CSMD1: variants seen among roughly 807,000 people sequenced by gnomAD.
CSMD1 encodes CUB and Sushi multiple domains 1, also known as CUB and sushi domain-containing protein 1.
In CSMD1, 213 loss-of-function variants were observed where a neutral mutation model predicts 417.5. The ratio of observed to expected loss-of-function variants is 0.51; its 90% confidence interval spans 0.46 to 0.57. CSMD1 has a LOEUF of 0.57. CSMD1 is among the 20% of genes least tolerant of loss of function. The pLI, the probability that CSMD1 is intolerant of heterozygous loss-of-function variation, is 0.00. For synonymous variants in CSMD1, 2,862 were observed against 1,736.8 expected, an observed-to-expected ratio of 1.65 and a Z score of -16.11; for missense variants, 6,923 against 4,529.7, an observed-to-expected ratio of 1.53 and a Z score of -15.17.
In CSMD1 at chr8:4,245,244, G is replaced by C. The variant is rs538503979; in HGVS notation, c.415+174709C>G. On this transcript the variant is annotated intron_variant, in intron 3 of 69. Transcript: ENST00000635120. ...TGAACTCTAAATCGGATGAAATCAA[G>C]CACCTGCATTACGCAATGAATTATA... is the stretch of plus-strand genomic sequence containing the variant. Among the ~76,000 whole-genome samples the C allele has an allele frequency of 3.3e-5, 5 of 152,288 alleles. No homozygotes were observed. In the South Asian group the frequency reaches 6.2e-4, roughly 19 times the overall value.
At position 3,409,598 on chromosome 8, in the gene CSMD1, T is replaced by C; in HGVS notation, c.1569A>G (p.Glu523=). The change falls in exon 13 of 70, where the codon GAA becomes GAG. Residue 523 remains glutamate, a synonymous_variant. Transcript: ENST00000635120. The part of the protein sequence containing the change: ...PGFKAVYQEI[E]KGGCGDPGIP... ...TTCCAGGATCCCCACACCCTCCCTTTTCAATTTCTGAAAATGGAAAAACAA... is the reference window on the plus strand; with the variant it reads ...TTCCAGGATCCCCACACCCTCCCTTCTCAATTTCTGAAAATGGAAAAACAA... 1 of 1,584,086 alleles carries C rather than the reference T, an allele frequency of 6.3e-7. No individual in the cohort carries two copies. The highest frequency in any genetic ancestry group is 8.6e-7 in the Non-Finnish European group (1 of 1,162,296).
At chr8:4,189,466 A>G (rs1798886247) in intron 3 of CSMD1, among the ~76,000 whole-genome samples, 1 of 152,216 alleles carries the variant, frequency 6.6e-6, no homozygotes, top group African/African-American at 2.4e-5. Context: ...GCAGAAAAGA[A>G]AAACAAAATT....
At chr8:4,661,291 C>T (rs1019789504) in intron 1 of CSMD1, among the ~76,000 whole-genome samples, 12 of 152,230 alleles carry the variant, frequency 7.9e-5, no homozygotes, top group Admixed American at 2.6e-4. Context: ...AATAAAACAA[C>T]GACAATAACA....
At chr8:3,921,897 C>A (rs1284876728) in intron 5 of CSMD1, among the ~76,000 whole-genome samples, 1 of 152,068 alleles carries the variant, frequency 6.6e-6, no homozygotes, top group Non-Finnish European at 1.5e-5. Flanking sequence ...TCTGTTAGGT[C>A]CATCTGGTCC....
At chr8:4,108,995 G>T (rs912688953) in intron 3 of CSMD1, among the ~76,000 whole-genome samples, 1 of 152,178 alleles carries the variant, frequency 6.6e-6, no homozygotes, top group Non-Finnish European at 1.5e-5. Context: ...TATCTGGAAA[G>T]GATTGGTTTC....
At chr8:3,942,858 T>C (rs1276569398) in intron 5 of CSMD1, among the ~76,000 whole-genome samples, 1 of 152,160 alleles carries the variant, frequency 6.6e-6, no homozygotes, top group African/African-American at 2.4e-5. Flanking sequence ...GTCCCACAAA[T>C]TGATGTGATA....
At chr8:3,895,769 T>C (rs1195848834) in intron 5 of CSMD1, among the ~76,000 whole-genome samples, 1 of 152,218 alleles carries the variant, frequency 6.6e-6, no homozygotes, top group African/African-American at 2.4e-5. Flanking sequence ...ATTTAAGAAA[T>C]ATTTCCTACG....
chr8:4,844,898 A>G (rs1454879791), intron 1 of CSMD1, among the ~76,000 whole-genome samples: 1 of 152,156 alleles, frequency 6.6e-6, no homozygotes, highest in African/African-American at 2.4e-5. Context: ...CACAGTATAC[A>G]AGAGTATGGT....
chr8:4,824,441 T>A lies in CSMD1; in HGVS notation c.85+169891A>T, dbSNP rs140390422. On this transcript the variant is annotated intron_variant, in intron 1 of 69. Coordinates refer to ENST00000635120, the MANE Select transcript of CSMD1 (RefSeq NM_033225.6). ...TAACATGTGGTTCCGGGTAGAAAAA[T>A]TGTATAATTAAAGAAGACTATTTTT... Among the ~76,000 whole-genome samples, 5 of 152,206 alleles carry A rather than the reference T, an allele frequency of 3.3e-5. No homozygotes were observed. The South Asian group carries it at 1.0e-3, about 32-fold the overall frequency.
chr8:4,824,043 C>T (rs1799670609), intron 1 of CSMD1, among the ~76,000 whole-genome samples: 1 of 151,246 alleles, frequency 6.6e-6, no homozygotes, highest in South Asian at 2.1e-4. Context: ...TCCATGCACC[C>T]ACACATGCAC....
chr8:4,618,053 G>A (rs192572233), intron 2 of CSMD1, among the ~76,000 whole-genome samples: 3 of 152,264 alleles, frequency 2.0e-5, no homozygotes, highest in African/African-American at 7.2e-5. Flanking sequence ...GCACTATGGT[G>A]ACAGGTCACT....
intron 28 of CSMD1, 86 bp downstream of exon 28, chr8:3,223,643 A>G: frequency 2.2e-6 from 3 of 1,367,408 alleles, no homozygotes; most frequent in Admixed American, 3.7e-5. Context: ...ATATAACATT[A>G]GAGACTATGA....
intron 26 of CSMD1, among the ~76,000 whole-genome samples, chr8:3,246,555 G>A (rs560519705): frequency 1.3e-3 from 197 of 152,022 alleles, no homozygotes; most frequent in African/African-American, 4.2e-3. Flanking sequence ...CACTGCAACC[G>A]CCACCTCCCG....
intron 51 of CSMD1, among the ~76,000 whole-genome samples, chr8:3,023,972 A>T (rs75258924): frequency 0.033 from 5,036 of 152,200 alleles, 101 homozygotes; most frequent in African/African-American, 0.064. Context: ...GACACTGTGT[A>T]TCTTCTATGA....
rs112788467 is a variant in CSMD1 at position 3,950,965 on chromosome 8, C to G, written c.818+46938G>C. On this transcript the variant is annotated intron_variant, in intron 5 of 69. Coordinates refer to ENST00000635120, the MANE Select transcript of CSMD1 (RefSeq NM_033225.6). ...GACAAGAAGAAAAAACGATTCTTTT[C>G]ATCACATAACAGTTACAGTAAAAGC... 6.0e-3 allele frequency among the ~76,000 whole-genome samples: 912 copies of G among 152,264 alleles called. 9 individuals are homozygous for G. Among genetic ancestry groups the G allele is most frequent in the African/African-American group, 0.018 (739 of 41,562 alleles).
chr8:4,024,206 C>A (rs544327838), intron 4 of CSMD1, among the ~76,000 whole-genome samples: 1 of 151,996 alleles, frequency 6.6e-6, no homozygotes, highest in Non-Finnish European at 1.5e-5. Context: ...AGTAAGAAGA[C>A]ATGGGAAACA....
intron 2 of CSMD1, among the ~76,000 whole-genome samples, chr8:4,476,031 T>A (rs1485613979): frequency 6.6e-6 from 1 of 152,226 alleles, no homozygotes; most frequent in East Asian, 1.9e-4. Context: ...AAAAGCAATG[T>A]ATTATTTAGA....
intron 2 of CSMD1, among the ~76,000 whole-genome samples, chr8:4,433,443 G>A (rs536942608): frequency 3.9e-5 from 6 of 152,032 alleles, no homozygotes; most frequent in Non-Finnish European, 5.9e-5. Flanking sequence ...CACATTAAAG[G>A]CAATTCCCTG....
intron 3 of CSMD1, among the ~76,000 whole-genome samples, chr8:4,185,310 C>A (rs565548567): frequency 3.3e-5 from 5 of 152,096 alleles, no homozygotes; most frequent in South Asian, 2.1e-4. Flanking sequence ...GTTTTAGGGA[C>A]CCTGTCTTAA....
Sources: allele counts gnomAD v4.1 joint callset (sites outside exome capture counted in the v4.1 genomes callset), GRCh38; gene constraint gnomAD v4.1.1; transcripts MANE v1.5; gene names NCBI Gene and HGNC (gene_info 2026-07-23, HGNC 2026-07-21).